DNAJC13: variants seen among roughly 807,000 people sequenced by gnomAD.
DNAJC13 encodes dnaJ homolog subfamily C member 13.
A neutral mutation model predicts 290.5 loss-of-function variants in DNAJC13; 75 were observed. That is an observed-to-expected ratio of 0.26 (90% confidence interval 0.21 to 0.31). The LOEUF (loss-of-function observed/expected upper bound fraction) is 0.31. Ranked by LOEUF, DNAJC13 falls within the 10% of genes least tolerant of loss-of-function variation. DNAJC13 has a pLI of 1.00. For missense variants in DNAJC13, 2,260 were observed against 2,674.5 expected (o/e 0.85, Z 3.42); for synonymous variants, 862 against 892.0 (o/e 0.97, Z 0.60).
chr3:132,498,141 A>G (rs919397437), intron 36 of DNAJC13, among the ~76,000 whole-genome samples: 2 of 152,228 alleles, frequency 1.3e-5, no homozygotes, highest in Admixed American at 1.3e-4. Context: ...AAAACATGGA[A>G]TTAACTAAAT....
At chr3:132,419,555 A>G (rs1003083128) in intron 1 of DNAJC13, among the ~76,000 whole-genome samples, 2 of 152,334 alleles carry the variant, frequency 1.3e-5, no homozygotes, top group African/African-American at 4.8e-5. Flanking sequence ...ATAGGTCCCA[A>G]ATTAGGGTTG....
At position 132,511,239 on chromosome 3, in the gene DNAJC13, A is replaced by G. The variant is rs200089624; in HGVS notation, c.5288A>G (p.Asn1763Ser). The change falls in exon 44 of 56, where the codon AAT (asparagine) becomes AGT (serine). Residue 1763 changes from asparagine to serine, a missense_variant. Physicochemically the swap from Asn to Ser is conservative, Grantham distance 46. Transcript: ENST00000260818. ...LEALRNVIKYNPGSESECIGH... is the reference protein window; with the variant it reads ...LEALRNVIKYSPGSESECIGH... ...GCTCTGAGAAATGTCATAAAATACA[A>G]TCCAGGTATGTGACTACACCTTTGA... The G allele has an allele frequency of 3.1e-5, 50 of 1,613,870 alleles. 1 individual carries two copies. The East Asian group carries it at 1.0e-3, about 32-fold the overall frequency.
chr3:132,496,862 T>A (rs1935249082), intron 36 of DNAJC13, among the ~76,000 whole-genome samples, 199 bp downstream of exon 36: 1 of 152,256 alleles, frequency 6.6e-6, no homozygotes, highest in Non-Finnish European at 1.5e-5. Context: ...TATCTTTCCC[T>A]TCATAACTAT....
chr3:132,502,549 T>A (rs1018654710), intron 40 of DNAJC13, 81 bp downstream of exon 40: 1 of 1,252,062 alleles, frequency 8.0e-7, no homozygotes, highest in African/African-American at 1.5e-5. Context: ...AAAGCTGCTA[T>A]CCAGAGTCCC....
chr3:132,427,119 G>A (rs75711102), intron 1 of DNAJC13, among the ~76,000 whole-genome samples: 22 of 120,880 alleles, frequency 1.8e-4, no homozygotes, highest in South Asian at 7.6e-4. Context: ...GTGTGTGTGT[G>A]TATATATATA....
chr3:132,519,865 G>A (rs1239818915), intron 48 of DNAJC13, among the ~76,000 whole-genome samples: 1 of 152,166 alleles, frequency 6.6e-6, no homozygotes, highest in Non-Finnish European at 1.5e-5. Context: ...ACAAAAGAAA[G>A]AGGTTTATTG....
rs1435282575 is a variant in DNAJC13 at position 132,479,260 on chromosome 3, C to A, written c.2743C>A (p.Leu915Ile). ...TAAACTTGAACGAGATAGGTTGATT[C>A]TCTTCCTTAACAAGTTGATCCTTAA... is the stretch of plus-strand genomic sequence containing the variant. ...TDKLERDRLILFLNKLILNKK... is the reference protein window; with the variant it reads ...TDKLERDRLIIFLNKLILNKK... Residue 915 changes from leucine (L) to isoleucine (I), a missense_variant, in exon 25 of 56, where the codon CTC (leucine) becomes ATC (isoleucine). Leu to Ile is a conservative substitution (Grantham distance 5). Around this residue, in one of 3 missense-constraint regions of DNAJC13, gnomAD observed 1,494 missense variants for 1,693.7 expected, o/e 0.88. Transcript: ENST00000260818. 1 of 1,608,494 alleles carries A rather than the reference C, an allele frequency of 6.2e-7. No individual in the cohort carries two copies.
At chr3:132,449,089 TACCTGATTTTA>T (rs1933343626) in intron 5 of DNAJC13, among the ~76,000 whole-genome samples, 2 of 152,298 alleles carry the variant, frequency 1.3e-5, no homozygotes, top group African/African-American at 4.8e-5. Context: ...AAGGATAGTT[TACCTGATTTTA>T]CATCAGGAGT....
chr3:132,524,205 T>C (rs1171460481), intron 51 of DNAJC13, among the ~76,000 whole-genome samples: 1 of 152,240 alleles, frequency 6.6e-6, no homozygotes, highest in Non-Finnish European at 1.5e-5. Flanking sequence ...AGTGAAAAGG[T>C]AACTTTGGTC....
Position 132,525,767 on chromosome 3 carries a change from T to C in DNAJC13, c.6218T>C (p.Ile2073Thr). Residue 2073 changes from isoleucine (I) to threonine (T), a missense_variant, in exon 52 of 56, where the codon ATC (isoleucine) becomes ACC (threonine). Ile to Thr is a moderately conservative substitution (Grantham distance 89, BLOSUM62 -1). This residue lies in a region of DNAJC13 where 1,494 missense variants were observed against 1,693.7 expected (regional missense o/e 0.88). Coordinates refer to ENST00000260818, the MANE Select transcript of DNAJC13 (RefSeq NM_015268.4). ...NAIPKSAIRV[I>T]HALSENELCV... ...ATTCCTAAGAGTGCCATTCGGGTTA[T>C]CCATGCCTTGTCTGAAAATGAGGTA... 1 of 1,614,100 alleles carries C rather than the reference T, an allele frequency of 6.2e-7. No homozygotes were observed. The highest frequency in any genetic ancestry group is 8.5e-7 in the Non-Finnish European group (1 of 1,179,986).
chr3:132,484,696 A>G (rs745698150), intron 29 of DNAJC13, 24 bp downstream of exon 29: 2 of 1,556,978 alleles, frequency 1.3e-6, no homozygotes, highest in Admixed American at 3.3e-5. Context: ...TCAAACTAGG[A>G]GCAATTTTAA....
intron 42 of DNAJC13, among the ~76,000 whole-genome samples, chr3:132,505,824 G>A (rs968175894): frequency 6.6e-6 from 1 of 152,056 alleles, no homozygotes; most frequent in Non-Finnish European, 1.5e-5. Flanking sequence ...TGGGCAATAA[G>A]GAGAAGACCT....
At position 132,460,240 on chromosome 3, in the gene DNAJC13, T is replaced by TTC. The variant is rs373085867; in HGVS notation, c.1450-10_1450-9insTC. The TTC allele has an allele frequency of 3.0e-5, 47 of 1,552,710 alleles. No homozygotes were observed. The African/African-American group carries it at 5.6e-4, about 18-fold the overall frequency. On this transcript the variant is annotated splice_polypyrimidine_tract_variant and intron_variant, in intron 13 of 55. Transcript: ENST00000260818. ...ATGAATTATCACTGTTTTTTTTTTT[T>TTC]CATCAATAGCCCATGCATGATGACT...
chr3:132,492,647 A>C (rs1367136127), intron 33 of DNAJC13, 32 bp downstream of exon 33: 7 of 1,599,362 alleles, frequency 4.4e-6, no homozygotes, highest in Non-Finnish European at 6.0e-6. Context: ...TGCCACCTTA[A>C]GCCATAAAAA....
chr3:132,450,557 G>T, intron 5 of DNAJC13, 90 bp from the exon 6 acceptor site: 2 of 825,008 alleles, frequency 2.4e-6, no homozygotes, highest in Non-Finnish European at 3.7e-6. Context: ...TTAGATTTTT[G>T]GTCGTTTCAA....
chr3:132,493,851 A>G (rs752768405), intron 33 of DNAJC13, among the ~76,000 whole-genome samples: 4 of 152,152 alleles, frequency 2.6e-5, no homozygotes, highest in Non-Finnish European at 5.9e-5. Flanking sequence ...ATGTAAAAAA[A>G]AATAAATCTT....
At chr3:132,510,902 A>G (rs1935757159) in intron 43 of DNAJC13, among the ~76,000 whole-genome samples, 165 bp from the exon 44 acceptor site, 1 of 152,134 alleles carries the variant, frequency 6.6e-6, no homozygotes, top group Admixed American at 6.5e-5. Context: ...ATACTTTATA[A>G]TGTTTCCTGC....
intron 1 of DNAJC13, among the ~76,000 whole-genome samples, chr3:132,428,898 C>T (rs995954648): frequency 2.0e-5 from 3 of 150,360 alleles, no homozygotes; most frequent in Non-Finnish European, 4.4e-5. Flanking sequence ...CCACGCCTGG[C>T]TAATTTTTGT....
chr3:132,491,092 A>C, intron 32 of DNAJC13, 41 bp downstream of exon 32: 1 of 1,503,044 alleles, frequency 6.7e-7, no homozygotes, highest in Non-Finnish European at 8.9e-7. Context: ...TTTTATAATT[A>C]AGTCTTTGCT....
Sources: allele counts gnomAD v4.1 joint callset (sites outside exome capture counted in the v4.1 genomes callset), GRCh38; gene constraint gnomAD v4.1.1; regional missense constraint gnomAD v4.1.1; transcripts MANE v1.5; gene names NCBI Gene and HGNC (gene_info 2026-07-23, HGNC 2026-07-21).